MTUS2: variants seen among roughly 807,000 people sequenced by gnomAD.
MTUS2 encodes microtubule-associated tumor suppressor candidate 2.
MTUS2 carries 40 observed loss-of-function variants against 114.1 expected under a neutral mutation model. That is an observed-to-expected ratio of 0.35 (90% CI 0.27 to 0.46). The LOEUF is 0.46. MTUS2 is among the 20% of genes least tolerant of loss of function. The probability of loss-of-function intolerance (pLI) is 1.00; values close to 1 mark genes in which losing one functional copy is unlikely to be tolerated. For missense variants in MTUS2, 1,679 were observed against 1,705.4 expected, an observed-to-expected ratio of 0.98 and a Z score of 0.27; for synonymous variants, 688 against 672.0, an observed-to-expected ratio of 1.02 and a Z score of -0.37.
chr13:29,087,307 A>G (rs934780506), intron 4 of MTUS2, among the ~76,000 whole-genome samples: 14 of 152,236 alleles, frequency 9.2e-5, no homozygotes, highest in African/African-American at 3.1e-4. Context: ...GGTTTTTAAC[A>G]TGAAAGGATG....
intron 5 of MTUS2, among the ~76,000 whole-genome samples, chr13:29,150,650 T>C (rs554739554): frequency 9.2e-5 from 14 of 152,332 alleles, no homozygotes; most frequent in Non-Finnish European, 1.8e-4. Flanking sequence ...TAGGTTTTCT[T>C]CTAAGATTTT....
chr13:29,400,647 A>C (rs555561173), intron 8 of MTUS2, among the ~76,000 whole-genome samples: 20 of 152,350 alleles, frequency 1.3e-4, no homozygotes, highest in Non-Finnish European at 2.6e-4. Context: ...TGTCAACAAT[A>C]ACCAGGGTTA....
chr13:28,874,382 T>A lies in MTUS2; in HGVS notation c.-243+34532T>A, dbSNP rs540194394. Reference sequence around the variant, plus strand: ...TATAATAAATCCTACAAAAACTTAATAGCTTAAAACTATGGGAATCTTTTG... The same window carrying A: ...TATAATAAATCCTACAAAAACTTAAAAGCTTAAAACTATGGGAATCTTTTG... On this transcript the variant is annotated intron_variant, in intron 2 of 15. Transcript: ENST00000612955. Among the ~76,000 whole-genome samples the A allele has an allele frequency of 3.3e-5, 5 of 152,322 alleles. No individual in the cohort carries two copies. The South Asian group carries it at 1.0e-3, about 32-fold the overall frequency.
chr13:29,367,410 G>A (rs894708075), intron 8 of MTUS2, among the ~76,000 whole-genome samples: 1 of 152,132 alleles, frequency 6.6e-6, no homozygotes, highest in Non-Finnish European at 1.5e-5. Flanking sequence ...AGAGTTCAGG[G>A]CCTTGAATCT....
At chr13:29,456,814 G>A (rs1879137577) in intron 9 of MTUS2, among the ~76,000 whole-genome samples, 1 of 152,134 alleles carries the variant, frequency 6.6e-6, no homozygotes, top group Admixed American at 6.5e-5. Context: ...AAATAATTAA[G>A]ATGGTCAAAA....
intron 8 of MTUS2, among the ~76,000 whole-genome samples, chr13:29,400,076 A>T (rs1243329235): frequency 6.6e-6 from 1 of 152,228 alleles, no homozygotes; most frequent in East Asian, 1.9e-4. Flanking sequence ...AAGGGAGAGG[A>T]TGGTGGGGAA....
At chr13:29,432,596 G>T (rs568149526) in intron 8 of MTUS2, among the ~76,000 whole-genome samples, 21 of 152,270 alleles carry the variant, frequency 1.4e-4, no homozygotes, top group African/African-American at 4.6e-4. Flanking sequence ...GAATCTGGTG[G>T]CCTCAAAAGC....
At chr13:29,501,663 A>T (rs1370997961) in intron 15 of MTUS2, among the ~76,000 whole-genome samples, 1 of 152,146 alleles carries the variant, frequency 6.6e-6, no homozygotes, top group Non-Finnish European at 1.5e-5. Context: ...CAATGCGGGG[A>T]TAAAGCAGGG....
chr13:28,839,324 A>C (rs1464391439), intron 1 of MTUS2, among the ~76,000 whole-genome samples: 2 of 152,246 alleles, frequency 1.3e-5, no homozygotes, highest in African/African-American at 2.4e-5. Flanking sequence ...GAAAATAAGC[A>C]TGACAGTATA....
chr13:29,316,643 G>A (rs1900002179), intron 6 of MTUS2, among the ~76,000 whole-genome samples: 1 of 152,216 alleles, frequency 6.6e-6, no homozygotes, highest in Non-Finnish European at 1.5e-5. Context: ...AGGACTCACT[G>A]AGGCCACTGC....
In MTUS2 at chr13:29,389,324, T is replaced by TGTGTGCAAATATGTATGTATACAC. The variant is rs1566172306; in HGVS notation, c.3117+29856_3117+29857insCAAATATGTATGTATACACGTGTG. Reference sequence around the variant, plus strand: ...ATATGTGTATATATGTATACACATATGTGTGTATATATGTATGCACGTGTG... The same window carrying TGTGTGCAAATATGTATGTATACAC: ...ATATGTGTATATATGTATACACATATGTGTGCAAATATGTATGTATACACGTGTGTATATATGTATGCACGTGTG... On this transcript the variant is annotated intron_variant, in intron 8 of 15. Transcript: ENST00000612955. Among the ~76,000 whole-genome samples the TGTGTGCAAATATGTATGTATACAC allele has an allele frequency of 5.2e-3, 286 of 54,512 alleles. 14 individuals carry two copies. The highest frequency in any genetic ancestry group is 0.011 in the African/African-American group (270 of 24,068). 35.8% of individuals were successfully genotyped at this position (54,512 alleles called of 152,430 possible). A position where few individuals can be genotyped will look rare whatever the true frequency, so the allele number is the denominator to read the frequency against.
At chr13:28,866,969 C>T (rs1368077890) in intron 2 of MTUS2, among the ~76,000 whole-genome samples, 2 of 152,184 alleles carry the variant, frequency 1.3e-5, no homozygotes, top group African/African-American at 4.8e-5. Flanking sequence ...CACAATGCAA[C>T]ATCTTACACT....
chr13:28,883,853 G>T (rs1346564924), intron 2 of MTUS2, among the ~76,000 whole-genome samples: 1 of 152,130 alleles, frequency 6.6e-6, no homozygotes, highest in African/African-American at 2.4e-5. Flanking sequence ...CATTATAATG[G>T]CAATTATTTA....
At chr13:29,390,312 T>TA (rs1873333732) in intron 8 of MTUS2, among the ~76,000 whole-genome samples, 1 of 151,972 alleles carries the variant, frequency 6.6e-6, no homozygotes, top group Non-Finnish European at 1.5e-5. Flanking sequence ...CAAATCAACT[T>TA]ACATATTGGA....
chr13:29,456,562 G>A (rs1879122447), intron 9 of MTUS2, among the ~76,000 whole-genome samples: 1 of 152,170 alleles, frequency 6.6e-6, no homozygotes, highest in Non-Finnish European at 1.5e-5. Flanking sequence ...GCACACCAGA[G>A]CCAAGGGGCT....
chr13:29,161,290 A>G (rs970923321), intron 5 of MTUS2, among the ~76,000 whole-genome samples: 6 of 152,160 alleles, frequency 3.9e-5, no homozygotes, highest in Admixed American at 3.9e-4. Flanking sequence ...ACTGGGGGGA[A>G]CTGAGTGTAG....
intron 6 of MTUS2, among the ~76,000 whole-genome samples, chr13:29,290,368 C>T (rs965783190): frequency 2.6e-5 from 4 of 152,096 alleles, no homozygotes; most frequent in Non-Finnish European, 5.9e-5. Flanking sequence ...CTTGCTCTGT[C>T]TCCCAGGCTG....
At chr13:28,893,316 A>G (rs1343679046) in intron 2 of MTUS2, among the ~76,000 whole-genome samples, 2 of 151,880 alleles carry the variant, frequency 1.3e-5, no homozygotes, top group African/African-American at 4.8e-5. Context: ...CAGAAGGGAA[A>G]GTAGTTCTGG....
At chr13:29,115,601 G>A (rs907848918) in intron 5 of MTUS2, among the ~76,000 whole-genome samples, 9 of 152,180 alleles carry the variant, frequency 5.9e-5, no homozygotes, top group Non-Finnish European at 1.5e-5. Flanking sequence ...TGTAAAGATT[G>A]TATGCATTAA....
Sources: gnomAD v4.1 joint callset for allele counts (sites outside exome capture counted in the v4.1 genomes callset) on GRCh38, gnomAD v4.1.1 for gene constraint, MANE v1.5 for transcripts, NCBI Gene and HGNC (gene_info 2026-07-23, HGNC 2026-07-21) for gene names.